The following ACSM2B variants were observed in gnomAD, a reference collection of about 807,000 sequenced individuals.
ACSM2B encodes acyl-coenzyme A synthetase ACSM2B, mitochondrial.
ACSM2B carries 58 observed loss-of-function variants against 78.6 expected under a neutral mutation model. The ratio of observed to expected loss-of-function variants is 0.74; its 90% CI spans 0.60 to 0.92. ACSM2B has a LOEUF of 0.92. Among genes scored for constraint, ACSM2B ranks in the 40% least tolerant of loss-of-function variants. The pLI, the probability that ACSM2B is intolerant of heterozygous loss-of-function variation, is 0.00. For synonymous variants in ACSM2B, 257 were observed against 256.8 expected, an observed-to-expected ratio of 1.00 and a Z score of -0.01; for missense variants, 688 against 711.2, an observed-to-expected ratio of 0.97 and a Z score of 0.37.
intron 6 of ACSM2B, among the ~76,000 whole-genome samples, chr16:20,551,353 T>C (rs6497499): frequency 0.38 from 58,154 of 151,878 alleles, 14,139 homozygotes; most frequent in East Asian, 0.87. Flanking sequence ...TATTTGGAGG[T>C]GGGGCTTTTA....
chr16:20,556,866 T>C (rs149905234), intron 3 of ACSM2B, among the ~76,000 whole-genome samples: 8 of 152,262 alleles, frequency 5.3e-5, no homozygotes, highest in Non-Finnish European at 1.0e-4. Context: ...TTTCAGTATG[T>C]CACCTTTCTC....
intron 1 of ACSM2B, among the ~76,000 whole-genome samples, chr16:20,573,218 G>T (rs1426296696): frequency 6.6e-6 from 1 of 151,820 alleles, no homozygotes; most frequent in Non-Finnish European, 1.5e-5. Context: ...AAGATCTGGG[G>T]CTCAAGGCTA....
At chr16:20,570,002 C>G (rs1463595251) in intron 1 of ACSM2B, among the ~76,000 whole-genome samples, 1 of 151,808 alleles carries the variant, frequency 6.6e-6, no homozygotes, top group Non-Finnish European at 1.5e-5. Context: ...ATATTAACAG[C>G]AAACAGCAAC....
At chr16:20,566,739 T>TAC (rs2015894558) in intron 1 of ACSM2B, among the ~76,000 whole-genome samples, 1 of 49,554 alleles carries the variant, frequency 2.0e-5, no homozygotes, top group African/African-American at 9.3e-5. Context: ...ATATAGTATA[T>TAC]ACTATATATA....
chr16:20,537,251 A>G lies in ACSM2B; in HGVS notation c.*7T>C, dbSNP rs1010702021. The stretch of plus-strand genomic sequence containing the variant: ...AGGGGAATCCAAATGAATGTCTCCT[A>G]GACGCCTCACTGCGCACGGGCTTTT... On this transcript the variant is annotated 3_prime_UTR_variant, in exon 14 of 14. Coordinates refer to ENST00000329697, the MANE Select transcript of ACSM2B (RefSeq NM_001105069.2). 1.2e-6 allele frequency: 2 copies of G among 1,613,714 alleles called. No individual in the cohort carries two copies. Among genetic ancestry groups the G allele is most frequent in the Admixed American group, 1.7e-5 (1 of 59,998 alleles).
intron 8 of ACSM2B, 76 bp from the exon 9 acceptor site, chr16:20,546,550 G>A: frequency 6.4e-7 from 1 of 1,563,976 alleles, no homozygotes; most frequent in Non-Finnish European, 8.7e-7. Flanking sequence ...AATTTCTGCA[G>A]AGCGGGTCCT....
intron 1 of ACSM2B, among the ~76,000 whole-genome samples, chr16:20,566,247 T>TTA (rs200052689): frequency 0.075 from 5,229 of 69,574 alleles, 241 homozygotes; most frequent in Non-Finnish European, 0.093. Flanking sequence ...TCATGGAAGA[T>TTA]TATATATATA....
chr16:20,566,160 A>G (rs1219628804), intron 1 of ACSM2B, among the ~76,000 whole-genome samples: 6 of 143,766 alleles, frequency 4.2e-5, no homozygotes, highest in Admixed American at 2.9e-4. Flanking sequence ...TAATATATAT[A>G]TATGTAATAA....
intron 1 of ACSM2B, among the ~76,000 whole-genome samples, chr16:20,568,249 T>C (rs1474497882): frequency 6.9e-6 from 1 of 144,700 alleles, no homozygotes; most frequent in East Asian, 2.0e-4. Flanking sequence ...ATATACTATA[T>C]ATAGCCACAC....
At chr16:20,544,813 G>A (rs2015089669) in intron 10 of ACSM2B, 11 of 1,004,928 alleles carry the variant, frequency 1.1e-5, no homozygotes, top group Non-Finnish European at 1.3e-5. Context: ...ATAGATCATG[G>A]GGATGATACC....
chr16:20,573,860 A>C (rs1476662446), intron 1 of ACSM2B, among the ~76,000 whole-genome samples: 1 of 151,888 alleles, frequency 6.6e-6, no homozygotes, highest in African/African-American at 2.4e-5. Context: ...AGGGCAGTAA[A>C]GATCACAAGG....
In ACSM2B at chr16:20,546,385, C is replaced by T. The variant is rs777883624; in HGVS notation, c.1179+9G>A. The T allele has an allele frequency of 5.7e-6, 9 of 1,589,150 alleles. No homozygotes were observed. Among genetic ancestry groups the T allele is most frequent in the East Asian group, 4.5e-5 (2 of 44,612 alleles). ...CTAACTTCCTCCCTCCTCAGTGTCC[C>T]GAGCAAACCTGTACATCATAACAGG... On this transcript the variant is annotated intron_variant, in intron 9 of 13. Coordinates refer to ENST00000329697, the MANE Select transcript of ACSM2B (RefSeq NM_001105069.2).
At chr16:20,555,130 C>T (rs1307795700) in intron 4 of ACSM2B, 139 bp downstream of exon 4, 20 of 1,398,290 alleles carry the variant, frequency 1.4e-5, no homozygotes, top group Non-Finnish European at 1.8e-5. Context: ...CTTGTATTAG[C>T]TTTTATTTCT....
intron 10 of ACSM2B, among the ~76,000 whole-genome samples, chr16:20,543,589 T>C (rs1196402108): frequency 1.3e-5 from 2 of 152,240 alleles, no homozygotes; most frequent in Non-Finnish European, 2.9e-5. Context: ...TCCTAATCTC[T>C]GTTCACTCCA....
At chr16:20,538,703 C>A (rs1303663823) in intron 13 of ACSM2B, among the ~76,000 whole-genome samples, 2 of 152,084 alleles carry the variant, frequency 1.3e-5, no homozygotes, top group African/African-American at 4.8e-5. Flanking sequence ...CTCCTTGACT[C>A]AGCATTCTAC....
chr16:20,539,751 GC>G (rs1193494101), intron 13 of ACSM2B, among the ~76,000 whole-genome samples: 1 of 150,492 alleles, frequency 6.6e-6, no homozygotes, highest in African/African-American at 2.4e-5. Context: ...TTTTGTTGAG[GC>G]CTTTGGAGAA....
intron 12 of ACSM2B, chr16:20,542,656 T>G: frequency 2.1e-6 from 1 of 482,866 alleles, no homozygotes. Context: ...TCTGTTTAGT[T>G]TTTTGAGAAA....
At position 20,537,388 on chromosome 16, in the gene ACSM2B, G is replaced by A. The variant is rs768415891; in HGVS notation, c.1630-26C>T. The A allele has an allele frequency of 3.7e-6, 6 of 1,611,674 alleles. No individual in the cohort carries two copies. The African/African-American group carries it at 4.0e-5, about 11-fold the overall frequency. ...CTGTTGAAAAACAAATCAGTCCAGG[G>A]TGGGTGATCTGTGATGACAGTGGGT... On this transcript the variant is annotated intron_variant, in intron 13 of 13. Transcript: ENST00000329697.
intron 6 of ACSM2B, among the ~76,000 whole-genome samples, chr16:20,551,681 C>T (rs553453033): frequency 6.6e-6 from 1 of 152,224 alleles, no homozygotes; most frequent in South Asian, 2.1e-4. Context: ...TCAAACTGTA[C>T]ACATAGGATG....
Sources: allele counts gnomAD v4.1 joint callset (sites outside exome capture counted in the v4.1 genomes callset), GRCh38; gene constraint gnomAD v4.1.1; transcripts MANE v1.5; gene names NCBI Gene and HGNC (gene_info 2026-07-23, HGNC 2026-07-21).